The following PIP4K2A variants were observed in gnomAD, a reference collection of about 807,000 sequenced individuals.
The protein encoded by PIP4K2A is phosphatidylinositol 5-phosphate 4-kinase type-2 alpha.
In PIP4K2A, 14 loss-of-function variants were observed where a neutral mutation model predicts 42.9. The observed-to-expected ratio is 0.33, with a 90% CI of 0.22 to 0.51. The LOEUF is 0.51. Ranked by LOEUF, PIP4K2A falls within the 20% of genes least tolerant of loss-of-function variation. PIP4K2A has a pLI of 0.97. For missense variants in PIP4K2A, 434 were observed against 519.8 expected (o/e 0.83, Z 1.61); for synonymous variants, 192 against 192.2 (o/e 1.00, Z 0.01).
intron 1 of PIP4K2A, among the ~76,000 whole-genome samples, chr10:22,650,847 T>TC (rs1838979513): frequency 6.6e-6 from 1 of 151,808 alleles, no homozygotes; most frequent in South Asian, 2.1e-4. Flanking sequence ...TTTTTTTTTT[T>TC]CCCCTACCTT....
At chr10:22,568,975 T>A in intron 5 of PIP4K2A, 1 of 1,485,780 alleles carries the variant, frequency 6.7e-7, no homozygotes, top group South Asian at 1.2e-5. Flanking sequence ...TCTATTGCCC[T>A]GGGTTACTTG....
intron 1 of PIP4K2A, among the ~76,000 whole-genome samples, chr10:22,664,158 T>TATATATATATACATATATATATATAC (rs1839290197): frequency 7.4e-5 from 5 of 68,026 alleles, no homozygotes; most frequent in East Asian, 2.6e-4. Context: ...TATACACATA[T>TATATATATATACATATATATATATAC]ATATATATAC....
At chr10:22,575,829 T>G (rs1301650754) in intron 4 of PIP4K2A, among the ~76,000 whole-genome samples, 10 of 151,600 alleles carry the variant, frequency 6.6e-5, no homozygotes, top group Non-Finnish European at 7.4e-5. Flanking sequence ...TCCCAGCTAC[T>G]CGGGAGGCTG....
chr10:22,620,266 G>A (rs1485529000), intron 1 of PIP4K2A, among the ~76,000 whole-genome samples: 1 of 152,190 alleles, frequency 6.6e-6, no homozygotes, highest in Non-Finnish European at 1.5e-5. Flanking sequence ...CACAGAATCT[G>A]ACATAAAACT....
At chr10:22,701,907 C>T (rs1400903610) in intron 1 of PIP4K2A, among the ~76,000 whole-genome samples, 1 of 152,126 alleles carries the variant, frequency 6.6e-6, no homozygotes, top group Admixed American at 6.5e-5. Context: ...TAGGGCCCAC[C>T]CAAGGTGTGA....
At chr10:22,619,586 G>A (rs569662369) in intron 1 of PIP4K2A, among the ~76,000 whole-genome samples, 8 of 151,998 alleles carry the variant, frequency 5.3e-5, no homozygotes, top group South Asian at 2.1e-4. Context: ...ACAGGTGGGC[G>A]CCACCACGTG....
chr10:22,558,292 A>T (rs1252910464), intron 6 of PIP4K2A, among the ~76,000 whole-genome samples: 1 of 152,246 alleles, frequency 6.6e-6, no homozygotes, highest in Non-Finnish European at 1.5e-5. Context: ...GCTTGCAAAA[A>T]TCTTCATAAA....
chr10:22,701,383 C>A (rs1833712662), intron 1 of PIP4K2A, among the ~76,000 whole-genome samples: 1 of 152,284 alleles, frequency 6.6e-6, no homozygotes, highest in Admixed American at 6.5e-5. Context: ...TATCTTCAAA[C>A]CTTTTAGGCT....
intron 4 of PIP4K2A, among the ~76,000 whole-genome samples, chr10:22,586,534 C>T (rs1031953382): frequency 1.3e-5 from 2 of 152,142 alleles, no homozygotes; most frequent in Admixed American, 6.5e-5. Context: ...TTTAGCACTT[C>T]TTTTTCTTTT....
intron 1 of PIP4K2A, among the ~76,000 whole-genome samples, chr10:22,663,893 G>T (rs7909660): frequency 0.12 from 18,341 of 150,242 alleles, 1,270 homozygotes; most frequent in Middle Eastern, 0.22. Flanking sequence ...CAACAGAGTT[G>T]CATGATAAAT....
chr10:22,707,338 C>G (rs1052735008), intron 1 of PIP4K2A, among the ~76,000 whole-genome samples: 5 of 152,236 alleles, frequency 3.3e-5, no homozygotes, highest in Admixed American at 6.5e-5. Context: ...CTCTTAATCA[C>G]TGTGCCCAGG....
chr10:22,607,254 A>T (rs1837924977), intron 3 of PIP4K2A, among the ~76,000 whole-genome samples: 1 of 152,242 alleles, frequency 6.6e-6, no homozygotes, highest in African/African-American at 2.4e-5. Flanking sequence ...CTCAACAGTT[A>T]TTTAAAGAGT....
chr10:22,664,043 A>G (rs907537244), intron 1 of PIP4K2A, among the ~76,000 whole-genome samples: 3 of 108,578 alleles, frequency 2.8e-5, no homozygotes, highest in African/African-American at 1.6e-4. Context: ...ATATATATAT[A>G]TATACATATG....
chr10:22,668,504 C>T (rs1018634623), intron 1 of PIP4K2A, among the ~76,000 whole-genome samples: 3 of 152,056 alleles, frequency 2.0e-5, no homozygotes, highest in African/African-American at 7.3e-5. Context: ...AAAATAAAAA[C>T]CCTTCATTGG....
intron 6 of PIP4K2A, among the ~76,000 whole-genome samples, chr10:22,564,310 G>T (rs1052490523): frequency 6.6e-6 from 1 of 152,182 alleles, no homozygotes; most frequent in African/African-American, 2.4e-5. Flanking sequence ...GTCCTTGTTG[G>T]CAGTGTTTAC....
At chr10:22,572,363 C>T (rs1017115998) in intron 5 of PIP4K2A, among the ~76,000 whole-genome samples, 1 of 152,148 alleles carries the variant, frequency 6.6e-6, no homozygotes, top group Non-Finnish European at 1.5e-5. Context: ...TGCCTATAAT[C>T]CCAGCACTTT....
chr10:22,591,505 A>G, intron 4 of PIP4K2A, 124 bp downstream of exon 4: 3 of 729,214 alleles, frequency 4.1e-6, no homozygotes, highest in South Asian at 4.2e-5. Context: ...GGGTTAGAGG[A>G]GATGTTTATG....
intron 1 of PIP4K2A, among the ~76,000 whole-genome samples, chr10:22,684,165 C>G (rs1839717745): frequency 6.6e-6 from 1 of 152,120 alleles, no homozygotes; most frequent in Admixed American, 6.6e-5. Flanking sequence ...GGCAAACCAT[C>G]TTTCAGTTTA....
At chr10:22,541,717 A>G (rs1836118783) in intron 8 of PIP4K2A, 87 bp downstream of exon 8, 7 of 1,421,058 alleles carry the variant, frequency 4.9e-6, no homozygotes, top group Non-Finnish European at 5.6e-6. Context: ...CAGCACCCTC[A>G]TAACTGGGGT....
Sources: gnomAD v4.1 joint callset for allele counts (sites outside exome capture counted in the v4.1 genomes callset) on GRCh38, gnomAD v4.1.1 for gene constraint, MANE v1.5 for transcripts, NCBI Gene and HGNC (gene_info 2026-07-23, HGNC 2026-07-21) for gene names.